HMGB1: variants seen among roughly 807,000 people sequenced by gnomAD.
The protein encoded by HMGB1 is high mobility group box 1, also known as high mobility group protein B1.
For synonymous variants in HMGB1, 81 were observed against 84.0 expected (o/e 0.96, Z 0.19); for missense variants, 79 against 253.5 (o/e 0.31, Z 4.67).
intron 1 of HMGB1, among the ~76,000 whole-genome samples, chr13:30,599,260 G>A (rs1176834337): frequency 6.6e-6 from 1 of 152,144 alleles, no homozygotes; most frequent in African/African-American, 2.4e-5. Flanking sequence ...CCTGAGGTCA[G>A]GAGTTTGAGA....
intron 1 of HMGB1, among the ~76,000 whole-genome samples, chr13:30,499,482 C>T (rs745939383): frequency 8.5e-5 from 13 of 152,134 alleles, no homozygotes; most frequent in African/African-American, 1.4e-4. Flanking sequence ...TTGTCCTTCC[C>T]GTTTCTCTTT....
At chr13:30,599,863 G>A (rs1178297154) in intron 1 of HMGB1, among the ~76,000 whole-genome samples, 1 of 152,140 alleles carries the variant, frequency 6.6e-6, no homozygotes, top group Non-Finnish European at 1.5e-5. Flanking sequence ...GCACAATTCA[G>A]CCCGTAACAG....
chr13:30,547,211 T>A (rs1284238798), intron 1 of HMGB1, among the ~76,000 whole-genome samples: 2 of 152,262 alleles, frequency 1.3e-5, no homozygotes, highest in Admixed American at 6.5e-5. Context: ...CTGATTTCTT[T>A]ATATTCCATT....
chr13:30,488,230 T>C (rs1164607443), intron 1 of HMGB1, among the ~76,000 whole-genome samples: 1 of 152,230 alleles, frequency 6.6e-6, no homozygotes, highest in African/African-American at 2.4e-5. Flanking sequence ...ACACCATTAA[T>C]TATAGCCGAC....
At chr13:30,538,467 T>TTTCC in intron 1 of HMGB1, among the ~76,000 whole-genome samples, 2 of 66,748 alleles carry the variant, frequency 3.0e-5, no homozygotes, top group African/African-American at 7.9e-5. Flanking sequence ...TCTTTCTTTC[T>TTTCC]TTCTTTCTTT....
intron 1 of HMGB1, among the ~76,000 whole-genome samples, chr13:30,516,535 A>G (rs1888105510): frequency 1.3e-5 from 2 of 152,198 alleles, no homozygotes; most frequent in Admixed American, 6.5e-5. Flanking sequence ...TTGTTTTGTC[A>G]TCTAATACTT....
intron 1 of HMGB1, among the ~76,000 whole-genome samples, chr13:30,546,888 T>C (rs1249662992): frequency 6.6e-6 from 1 of 152,264 alleles, no homozygotes; most frequent in Non-Finnish European, 1.5e-5. Flanking sequence ...TCTTGAAACT[T>C]GACTCTTAAC....
intron 1 of HMGB1, among the ~76,000 whole-genome samples, chr13:30,508,252 C>T (rs1887912721): frequency 6.6e-6 from 1 of 152,138 alleles, no homozygotes; most frequent in African/African-American, 2.4e-5. Flanking sequence ...TGGCTCATGC[C>T]TGTAATCTCA....
Position 30,507,827 on chromosome 13 carries a change from C to G in HMGB1, c.-14-44133G>C, listed in dbSNP as rs370639446. Among the ~76,000 whole-genome samples the G allele has an allele frequency of 4.6e-5, 7 of 152,188 alleles. No individual in the cohort carries two copies. The South Asian group carries it at 6.2e-4, about 14-fold the overall frequency. ...TAGAAAACATAGTGAGACTCCATCT[C>G]TACATAAAATTTTAAAAAATTAGCC... On this transcript the variant is annotated intron_variant, in intron 1 of 4. Transcript: ENST00000405805.
At chr13:30,560,919 G>C (rs1381126770) in intron 1 of HMGB1, among the ~76,000 whole-genome samples, 1 of 151,756 alleles carries the variant, frequency 6.6e-6, no homozygotes, top group Admixed American at 6.6e-5. Flanking sequence ...TCATAAATCA[G>C]AACTGGCTAC....
chr13:30,472,857 T>TC (rs1663137615), intron 1 of HMGB1, among the ~76,000 whole-genome samples: 1 of 151,274 alleles, frequency 6.6e-6, no homozygotes, highest in Non-Finnish European at 1.5e-5. Flanking sequence ...TGAAAACTTT[T>TC]TTTTTTTTTT....
chr13:30,461,446 C>T lies in HMGB1; in HGVS notation c.559G>A (p.Glu187Lys), dbSNP rs1350426309. 6.3e-6 allele frequency: 10 copies of T among 1,582,848 alleles called. No homozygotes were observed. The highest frequency in any genetic ancestry group is 8.6e-6 in the Non-Finnish European group (10 of 1,163,804). Residue 187 changes from glutamate to lysine, a missense_variant, in exon 5 of 5, where the codon GAG becomes AAG. Transcript: ENST00000341423. ...KAEKSKKKKE[E>K]EEDEEDEEDE... is the part of the protein sequence containing the mutation. ...TCTTCATCTTCCTCATCTTCCTCCT[C>T]TTCCTTCTTTTTCTTGCTTTTTTCA... is the stretch of plus-strand genomic sequence containing the variant.
chr13:30,497,212 C>T (rs950614465), intron 1 of HMGB1, among the ~76,000 whole-genome samples: 2 of 152,136 alleles, frequency 1.3e-5, no homozygotes, highest in Non-Finnish European at 2.9e-5. Flanking sequence ...CTGAACACTT[C>T]GAATGATTAT....
chr13:30,519,955 A>T (rs1340239341), intron 1 of HMGB1, among the ~76,000 whole-genome samples: 1 of 152,334 alleles, frequency 6.6e-6, no homozygotes, highest in African/African-American at 2.4e-5. Flanking sequence ...TTAGATTTTT[A>T]AAATATTTAA....
chr13:30,553,845 G>A, intron 1 of HMGB1: 1 of 1,348,300 alleles, frequency 7.4e-7, no homozygotes, highest in East Asian at 2.3e-5. Flanking sequence ...TCACAGTCGT[G>A]TTAAACTGCA....
At chr13:30,571,754 T>G (rs1397959104) in intron 1 of HMGB1, among the ~76,000 whole-genome samples, 1 of 152,150 alleles carries the variant, frequency 6.6e-6, no homozygotes, top group African/African-American at 2.4e-5. Context: ...AAGCAGAAAA[T>G]GAAAATAGTT....
In HMGB1 at chr13:30,544,495, G is replaced by A. The variant is rs192968889; in HGVS notation, c.-15+72176C>T. Among the ~76,000 whole-genome samples the A allele has an allele frequency of 2.0e-4, 30 of 152,320 alleles. No individual in the cohort carries two copies. In the East Asian group the frequency reaches 4.4e-3, roughly 23 times the overall value. On this transcript the variant is annotated intron_variant, in intron 1 of 4. Transcript: ENST00000405805. ...GAGTTGATCAGCAATAGGCAATGAT[G>A]TAGTCCATCATGCCTATGTAATGAC...
At chr13:30,465,555 C>G (rs1260948320) in intron 1 of HMGB1, among the ~76,000 whole-genome samples, 2 of 151,168 alleles carry the variant, frequency 1.3e-5, no homozygotes, top group Non-Finnish European at 3.0e-5. Flanking sequence ...GGGGTGGAAA[C>G]TCGCGGGGCG....
At chr13:30,608,689 A>T (rs1950484134) in intron 1 of HMGB1, among the ~76,000 whole-genome samples, 1 of 152,202 alleles carries the variant, frequency 6.6e-6, no homozygotes, top group Non-Finnish European at 1.5e-5. Context: ...GACAAGCTCT[A>T]TTCTTGTTGA....
Sources: allele counts gnomAD v4.1 joint callset (sites outside exome capture counted in the v4.1 genomes callset), GRCh38; gene constraint gnomAD v4.1.1; transcripts MANE v1.5; gene names NCBI Gene and HGNC (gene_info 2026-07-23, HGNC 2026-07-21).